The following ZBED6 variants were observed in gnomAD, a reference collection of about 807,000 sequenced individuals.
ZBED6 encodes the protein zinc finger BED-type containing 6.
In ZBED6, 40 loss-of-function variants were observed where a neutral mutation model predicts 58.4. The ratio of observed to expected loss-of-function variants is 0.68; its 90% confidence interval spans 0.53 to 0.89. The LOEUF (loss-of-function observed/expected upper bound fraction) is 0.89. Ranked by LOEUF, ZBED6 falls within the 40% of genes least tolerant of loss-of-function variation. The pLI, the probability that ZBED6 is intolerant of heterozygous loss-of-function variation, is 0.00. For missense variants in ZBED6, 1,057 were observed against 1,003.9 expected (o/e 1.05, Z -0.71); for synonymous variants, 439 against 350.6 (o/e 1.25, Z -2.82).
chr1:203,813,515 A>G (rs1675219036), intron 1 of ZBED6, among the ~76,000 whole-genome samples: 1 of 152,126 alleles, frequency 6.6e-6, no homozygotes, highest in Non-Finnish European at 1.5e-5. Context: ...TTCCAGTAAC[A>G]TATGTTGAAA....
exon 1 of ZBED6, chr1:203,800,599 C>A: frequency 2.9e-6 from 2 of 683,734 alleles, no homozygotes; most frequent in Non-Finnish European, 4.4e-6. Flanking sequence ...GAAAATTCCT[C>A]AGAGGCAATA....
rs188229021 is a variant in ZBED6 at position 203,844,539 on chromosome 1, C to G, written c.*3742-2645C>G. On this transcript the variant is annotated intron_variant, in intron 11 of 16. Transcript: ENST00000550078. ...TTTGTGTATTATTTTGGCTTCTTAA[C>G]CACTTCTTTTTATTTATTTTGGTTT... Among the ~76,000 whole-genome samples, 285 of 152,256 alleles carry G rather than the reference C, an allele frequency of 1.9e-3. 2 individuals are homozygous for G. The highest frequency in any genetic ancestry group is 6.5e-3 in the African/African-American group (270 of 41,542).
intron 1 of ZBED6, among the ~76,000 whole-genome samples, chr1:203,809,031 T>C (rs1287298793): frequency 6.6e-6 from 1 of 152,044 alleles, no homozygotes; most frequent in Non-Finnish European, 1.5e-5. Context: ...GATTTCACCA[T>C]GTTGGTCAAG....
In ZBED6 at chr1:203,851,135, G is replaced by A; in HGVS notation, c.*4873+11G>A. 6.2e-7 allele frequency: 1 copy of A among 1,613,578 alleles called. No individual in the cohort carries two copies. The highest frequency in any genetic ancestry group is 1.1e-5 in the South Asian group (1 of 90,982). ...AAATCCTAGAGACAGGTAATACTTT[G>A]TAATTCTTTCTAAACAAACTCCAGG... On this transcript the variant is annotated intron_variant, in intron 16 of 16. Coordinates refer to ENST00000550078, the Ensembl canonical transcript of ZBED6.
intron 16 of ZBED6, 101 bp from the exon 17 acceptor site, chr1:203,852,040 C>A: frequency 8.5e-6 from 8 of 942,264 alleles, no homozygotes; most frequent in Admixed American, 3.0e-5. Flanking sequence ...TATGTATGTT[C>A]TTAAAAACAA....
intron 16 of ZBED6, among the ~76,000 whole-genome samples, chr1:203,851,383 G>T (rs1689217123): frequency 6.6e-6 from 1 of 152,168 alleles, no homozygotes; most frequent in South Asian, 2.1e-4. Context: ...AGACTGGAGT[G>T]CAGTGGCACA....
At chr1:203,798,487 A>G (rs1001562186) in exon 1 of ZBED6, 15 of 1,536,174 alleles carry the variant, frequency 9.8e-6, no homozygotes, top group South Asian at 3.6e-5. Context: ...GCTGTTGCCA[A>G]CAAAGACAGT....
At chr1:203,841,462 G>C (rs574166283) in intron 11 of ZBED6, among the ~76,000 whole-genome samples, 1 of 151,982 alleles carries the variant, frequency 6.6e-6, no homozygotes, top group East Asian at 1.9e-4. Flanking sequence ...CAGAGAGCAC[G>C]GGGTTGGGAG....
chr1:203,802,043 T>G (rs1028422844), exon 1 of ZBED6: 2 of 152,600 alleles, frequency 1.3e-5, no homozygotes, highest in East Asian at 3.8e-4. Context: ...AAATAAGAAA[T>G]AAATTTTCCC....
intron 9 of ZBED6, chr1:203,835,873 A>G (rs139779722): frequency 9.2e-4 from 229 of 248,318 alleles, no homozygotes; most frequent in African/African-American, 5.0e-3. Flanking sequence ...CCCCACTTAT[A>G]GCCAGCAAAA....
At chr1:203,818,744 A>C (rs1572068986) in intron 3 of ZBED6, 55 bp downstream of exon 3, 1 of 1,610,920 alleles carries the variant, frequency 6.2e-7, no homozygotes, top group East Asian at 2.2e-5. Flanking sequence ...TGGTGGGCCA[A>C]TAAAAAATAT....
exon 17 of ZBED6, chr1:203,853,526 A>G (rs1238085285): frequency 6.6e-6 from 1 of 152,596 alleles, no homozygotes. Context: ...TGATGGAAAT[A>G]ATAGTCTTGA....
chr1:203,813,146 G>A (rs1675085326), intron 1 of ZBED6, among the ~76,000 whole-genome samples: 1 of 151,992 alleles, frequency 6.6e-6, no homozygotes, highest in Non-Finnish European at 1.5e-5. Flanking sequence ...TCTTAACAGA[G>A]CTTTCACAGA....
At chr1:203,847,051 C>T (rs1345005533) in intron 11 of ZBED6, 133 bp from the exon 12 acceptor site, 3 of 956,366 alleles carry the variant, frequency 3.1e-6, no homozygotes, top group South Asian at 1.7e-5. Flanking sequence ...AAATGTTACC[C>T]TTTTGATCCT....
At chr1:203,843,152 A>T (rs986015876) in intron 11 of ZBED6, among the ~76,000 whole-genome samples, 2 of 152,100 alleles carry the variant, frequency 1.3e-5, no homozygotes, top group African/African-American at 2.4e-5. Context: ...CTAGGGTTTT[A>T]TCTCTCCCTA....
At chr1:203,810,833 A>G (rs1360135165) in intron 1 of ZBED6, among the ~76,000 whole-genome samples, 1 of 152,066 alleles carries the variant, frequency 6.6e-6, no homozygotes, top group East Asian at 1.9e-4. Flanking sequence ...CTTTGCAGAA[A>G]ATGATTTGAA....
chr1:203,818,294 AAGAGGAC>A lies in ZBED6; in HGVS notation c.*2754-275_*2754-269del, dbSNP rs1375671290. ...AGATGAACTGTAAAATACATTTTTA[AAGAGGAC>A]CTAACACTCCTACTTGTCTTTTTCA... On this transcript the variant is annotated intron_variant, in intron 2 of 16. Transcript: ENST00000550078. Among the ~76,000 whole-genome samples the A allele has an allele frequency of 3.4e-3, 512 of 150,920 alleles. 4 individuals carry two copies. Among genetic ancestry groups the A allele is most frequent in the Non-Finnish European group, 6.2e-3 (413 of 66,966 alleles).
chr1:203,796,672 T>C (rs1668608469), exon 1 of ZBED6: 1 of 386,770 alleles, frequency 2.6e-6, no homozygotes. Flanking sequence ...AAGTTCATAT[T>C]TCACTTTTTG....
intron 14 of ZBED6, 41 bp downstream of exon 14, chr1:203,850,067 A>G (rs1227028952): frequency 3.2e-6 from 5 of 1,585,416 alleles, no homozygotes; most frequent in Non-Finnish European, 4.3e-6. Context: ...GGTTATCAAA[A>G]TTACCAAATT....
Sources: allele counts gnomAD v4.1 joint callset (sites outside exome capture counted in the v4.1 genomes callset), GRCh38; gene constraint gnomAD v4.1.1; transcripts MANE v1.5; gene names NCBI Gene and HGNC (gene_info 2026-07-23, HGNC 2026-07-21).